FSTL4: variants seen among roughly 807,000 people sequenced by gnomAD.
FSTL4 encodes follistatin-related protein 4.
In FSTL4, 28 loss-of-function variants were observed where a neutral mutation model predicts 78.2. That is an observed-to-expected ratio of 0.36 (90% CI 0.27 to 0.49). The LOEUF (loss-of-function observed/expected upper bound fraction) is 0.49. Ranked by LOEUF, FSTL4 falls within the 20% of genes least tolerant of loss-of-function variation. The pLI, the probability that FSTL4 is intolerant of heterozygous loss-of-function variation, is 0.98. For synonymous variants in FSTL4, 422 were observed against 440.5 expected, an observed-to-expected ratio of 0.96 and a Z score of 0.53; for missense variants, 922 against 1,084.9, an observed-to-expected ratio of 0.85 and a Z score of 2.11.
chr5:133,685,330 A>G, the FSTL4 span, among the ~76,000 whole-genome samples: 1 of 152,220 alleles, frequency 6.6e-6, no homozygotes, highest in African/African-American at 2.4e-5. Flanking sequence ...GCTCCTCGGA[A>G]GAAACATGAC....
intron 3 of FSTL4, among the ~76,000 whole-genome samples, chr5:133,484,218 A>G (rs1758086370): frequency 6.6e-6 from 1 of 152,226 alleles, no homozygotes; most frequent in Non-Finnish European, 1.5e-5. Context: ...TGGCACCATC[A>G]TCATCTCTGA....
chr5:133,633,492 G>C, the FSTL4 span, among the ~76,000 whole-genome samples: 1 of 151,180 alleles, frequency 6.6e-6, no homozygotes, highest in Non-Finnish European at 1.5e-5. Flanking sequence ...TTATTTCTTT[G>C]TTGAGACTTT....
intron 3 of FSTL4, among the ~76,000 whole-genome samples, chr5:133,526,653 G>A (rs538377006): frequency 7.2e-5 from 11 of 152,256 alleles, no homozygotes; most frequent in South Asian, 6.2e-4. Flanking sequence ...TAACATTTGC[G>A]GACGAGTTGT....
At chr5:133,559,017 T>G (rs2112935727) in intron 3 of FSTL4, among the ~76,000 whole-genome samples, 1 of 152,342 alleles carries the variant, frequency 6.6e-6, no homozygotes, top group South Asian at 2.1e-4. Flanking sequence ...CAACACAATC[T>G]TAAAATAATG....
At chr5:133,803,786 T>C in the FSTL4 span, among the ~76,000 whole-genome samples, 1 of 152,188 alleles carries the variant, frequency 6.6e-6, no homozygotes, top group South Asian at 2.1e-4. Context: ...GTTGTCTACC[T>C]GGTATCAGTG....
intron 3 of FSTL4, among the ~76,000 whole-genome samples, chr5:133,528,477 A>C (rs1465314134): frequency 6.6e-6 from 1 of 151,972 alleles, no homozygotes; most frequent in African/African-American, 2.4e-5. Context: ...GGATGTCCTG[A>C]CCACCGCGTC....
chr5:133,729,401 T>G, the FSTL4 span, among the ~76,000 whole-genome samples: 1 of 152,168 alleles, frequency 6.6e-6, no homozygotes, highest in African/African-American at 2.4e-5. Context: ...GTAAAACAGG[T>G]ATAATATCCC....
intron 7 of FSTL4, among the ~76,000 whole-genome samples, chr5:133,245,202 C>T (rs1158910273): frequency 6.6e-6 from 1 of 151,536 alleles, no homozygotes; most frequent in African/African-American, 2.4e-5. Flanking sequence ...TGGGTGGAAG[C>T]CAGGGAGACC....
At chr5:133,732,617 G>A in the FSTL4 span, among the ~76,000 whole-genome samples, 1 of 152,174 alleles carries the variant, frequency 6.6e-6, no homozygotes, top group South Asian at 2.1e-4. Context: ...CCTCCTCCCG[G>A]CCTCCCCTTT....
At chr5:133,779,205 T>C in the FSTL4 span, among the ~76,000 whole-genome samples, 8 of 152,198 alleles carry the variant, frequency 5.3e-5, no homozygotes, top group African/African-American at 1.9e-4. Context: ...CCATCCTCTC[T>C]GCTGGGTGAC....
intron 3 of FSTL4, among the ~76,000 whole-genome samples, chr5:133,464,378 C>T (rs1235626656): frequency 6.6e-6 from 1 of 152,246 alleles, no homozygotes; most frequent in Non-Finnish European, 1.5e-5. Flanking sequence ...ATGAGAAAGA[C>T]AGTCCCACCC....
At chr5:133,417,038 TACTTCTA>T (rs1478707932) in intron 3 of FSTL4, among the ~76,000 whole-genome samples, 1 of 152,266 alleles carries the variant, frequency 6.6e-6, no homozygotes, top group Non-Finnish European at 1.5e-5. Context: ...CACAGAATTC[TACTTCTA>T]ACTAGGATAC....
the FSTL4 span, among the ~76,000 whole-genome samples, chr5:133,626,541 C>T: frequency 1.3e-5 from 2 of 150,792 alleles, no homozygotes; most frequent in African/African-American, 4.9e-5. Flanking sequence ...ATAACTTTCC[C>T]TCTCAGAACT....
chr5:133,650,490 T>C, the FSTL4 span, among the ~76,000 whole-genome samples: 1 of 152,196 alleles, frequency 6.6e-6, no homozygotes. Context: ...GAGTGAAAAG[T>C]CTATGTCTAC....
At chr5:133,741,120 C>T in the FSTL4 span, among the ~76,000 whole-genome samples, 10 of 152,048 alleles carry the variant, frequency 6.6e-5, no homozygotes, top group African/African-American at 2.4e-4. Flanking sequence ...TAGAAGACAC[C>T]CCCACCAACA....
chr5:133,554,433 G>C (rs907466495), intron 3 of FSTL4, among the ~76,000 whole-genome samples: 1 of 152,224 alleles, frequency 6.6e-6, no homozygotes, highest in Non-Finnish European at 1.5e-5. Context: ...TGAGCATTGA[G>C]CTAATAGATG....
the FSTL4 span, among the ~76,000 whole-genome samples, chr5:133,714,500 GGTAC>G: frequency 1.3e-5 from 2 of 152,178 alleles, no homozygotes; most frequent in Admixed American, 6.5e-5. Context: ...AACAGTGTCT[GGTAC>G]AGAGGAGGTA....
intron 3 of FSTL4, among the ~76,000 whole-genome samples, chr5:133,413,391 TG>T (rs1014799984): frequency 8.5e-5 from 13 of 152,166 alleles, no homozygotes; most frequent in Non-Finnish European, 1.5e-4. Context: ...CCCTGCCCTC[TG>T]GCTTTGTTGA....
At chr5:133,258,165 T>C (rs1014259297) in intron 6 of FSTL4, among the ~76,000 whole-genome samples, 4 of 152,146 alleles carry the variant, frequency 2.6e-5, no homozygotes, top group Non-Finnish European at 5.9e-5. Flanking sequence ...GGCCATGTCA[T>C]TGGGTTTGAC....
Sources: gnomAD v4.1 joint callset for allele counts (sites outside exome capture counted in the v4.1 genomes callset) on GRCh38, gnomAD v4.1.1 for gene constraint, MANE v1.5 for transcripts, NCBI Gene and HGNC (gene_info 2026-07-23, HGNC 2026-07-21) for gene names.